Variants in HBP1 observed in about 807,000 individuals in gnomAD.
The protein encoded by HBP1 is HMG-box transcription factor 1.
In HBP1, 20 loss-of-function variants were observed where a neutral mutation model predicts 62.6. The observed-to-expected ratio is 0.32, with a 90% CI of 0.22 to 0.46. HBP1 has a LOEUF of 0.46. HBP1 is among the 20% of genes least tolerant of loss of function. The pLI is 1.00. For synonymous variants in HBP1, 232 were observed against 206.2 expected, an observed-to-expected ratio of 1.12 and a Z score of -1.07; for missense variants, 480 against 611.8, an observed-to-expected ratio of 0.78 and a Z score of 2.27.
chr7:107,178,264 C>G (rs1195163131), intron 1 of HBP1, among the ~76,000 whole-genome samples: 1 of 152,164 alleles, frequency 6.6e-6, no homozygotes, highest in African/African-American at 2.4e-5. Context: ...CCCCTTCAGT[C>G]TACCCTAAGT....
chr7:107,187,211 CCACTGCACTCTAGCCTGGCAACA>C (rs1301019716), intron 6 of HBP1, among the ~76,000 whole-genome samples: 6 of 151,950 alleles, frequency 3.9e-5, no homozygotes, highest in Non-Finnish European at 5.9e-5. Flanking sequence ...CAAGATTGCG[CCACTGCACTCTAGCCTGGCAACA>C]CAGTGAGACT....
Position 107,189,393 on chromosome 7 carries a change from T to C in HBP1, c.867T>C (p.Asp289=), listed in dbSNP as rs748936389. 3.1e-6 allele frequency: 5 copies of C among 1,612,768 alleles called. No individual in the cohort carries two copies. Among genetic ancestry groups the C allele is most frequent in the East Asian group, 2.2e-5 (1 of 44,824 alleles). The change falls in exon 7 of 11, where the codon GAT becomes GAC. Residue 289 remains aspartate, a synonymous_variant. Coordinates refer to ENST00000222574, the MANE Select transcript of HBP1 (RefSeq NM_012257.4). ...CTTTTGATCCTGGTACAGTAGAAGA[T>C]GGTTTACTTACCGTAGAGTGTAAGC... The part of the protein sequence containing the change: ...KLTFDPGTVE[D]GLLTVECKLD...
chr7:107,182,525 G>A lies in HBP1; in HGVS notation c.322G>A (p.Val108Met). 6.2e-7 allele frequency: 1 copy of A among 1,613,752 alleles called. No homozygotes were observed. Among genetic ancestry groups the A allele is most frequent in the Non-Finnish European group, 8.5e-7 (1 of 1,179,706 alleles). Residue 108 changes from valine to methionine, a missense_variant, in exon 3 of 11, where the codon GTG becomes ATG. By Grantham distance (21) the Val-to-Met change is conservative. This residue lies in a region of HBP1 where 304 missense variants were observed against 330.9 expected (regional missense o/e 0.92). Coordinates refer to ENST00000222574, the MANE Select transcript of HBP1 (RefSeq NM_012257.4). ...AGAAACTACTTACCGTGAAAATGAG[G>A]TGGACTGGCTAACAGAATTGGCAAA... ...IPETTYRENE[V>M]DWLTELANIA...
At chr7:107,169,437 G>A (rs1470306747) in intron 1 of HBP1, among the ~76,000 whole-genome samples, 2 of 149,328 alleles carry the variant, frequency 1.3e-5, no homozygotes, top group African/African-American at 2.5e-5. Context: ...GAGGCAGGGG[G>A]AGGGCGAAGT....
At chr7:107,170,296 G>C (rs1796491146) in intron 1 of HBP1, among the ~76,000 whole-genome samples, 1 of 152,164 alleles carries the variant, frequency 6.6e-6, no homozygotes, top group African/African-American at 2.4e-5. Context: ...CTGAATAGCC[G>C]TAAGCACTCC....
Position 107,200,228 on chromosome 7 carries a change from T to C in HBP1, c.1454T>C (p.Leu485Ser). 6.2e-7 allele frequency: 1 copy of C among 1,612,490 alleles called. No individual in the cohort carries two copies. The highest frequency in any genetic ancestry group is 8.5e-7 in the Non-Finnish European group (1 of 1,178,706). Reference sequence around the variant, plus strand: ...AATGAAGAGAGAAGAATGTACACATTAGAAGCAAAGGCTTTGGCTGAAGAA... The same window carrying C: ...AATGAAGAGAGAAGAATGTACACATCAGAAGCAAAGGCTTTGGCTGAAGAA... The part of the protein sequence containing the change: ...MKNEERRMYT[L>S]EAKALAEEQK... The change falls in exon 10 of 11, where the codon TTA becomes TCA. Residue 485 changes from leucine to serine, a missense_variant. Leu to Ser is a moderately radical substitution (Grantham distance 145). Coordinates refer to ENST00000222574, the MANE Select transcript of HBP1 (RefSeq NM_012257.4).
chr7:107,171,079 T>A (rs1444621334), intron 1 of HBP1, among the ~76,000 whole-genome samples: 33 of 118,028 alleles, frequency 2.8e-4, no homozygotes, highest in South Asian at 1.0e-3. Flanking sequence ...ATATATTTTT[T>A]TTTTTTTTTG....
At chr7:107,179,231 G>GA (rs11314732) in intron 1 of HBP1, among the ~76,000 whole-genome samples, 1 of 151,618 alleles carries the variant, frequency 6.6e-6, no homozygotes, top group East Asian at 1.9e-4. Flanking sequence ...AGGTACAAGT[G>GA]AAAAAAAGAG....
At chr7:107,181,503 C>T (rs1026373502) in intron 2 of HBP1, among the ~76,000 whole-genome samples, 1 of 151,060 alleles carries the variant, frequency 6.6e-6, no homozygotes, top group Non-Finnish European at 1.5e-5. Flanking sequence ...TAAGATAGGA[C>T]ATTTCGGTTT....
In HBP1 at chr7:107,196,198, A is replaced by G. The variant is rs540583170; in HGVS notation, c.1385+47A>G. ...ATTACAATAAATGAGTAACACTTCA[A>G]TACGGTTCATGGTAACTGGAATAGT... is the stretch of plus-strand genomic sequence containing the variant. On this transcript the variant is annotated intron_variant, in intron 9 of 10. Transcript: ENST00000222574. 6.4e-5 allele frequency: 66 copies of G among 1,024,072 alleles called. No homozygotes were observed. In the South Asian group the frequency reaches 6.7e-4, roughly 10 times the overall value. The allele number at this position is 1,024,072 out of a possible 1,614,324, so 63.4% of individuals were successfully genotyped here. A position where few individuals can be genotyped will look rare whatever the true frequency, so the allele number is the denominator to read the frequency against.
intron 1 of HBP1, chr7:107,169,978 A>C: frequency 1.0e-6 from 1 of 985,470 alleles, no homozygotes; most frequent in Non-Finnish European, 1.2e-6. Context: ...ACAAAACAAA[A>C]CAAACCAGGC....
chr7:107,171,807 A>G (rs1168074616), intron 1 of HBP1, among the ~76,000 whole-genome samples: 1 of 150,606 alleles, frequency 6.6e-6, no homozygotes, highest in Admixed American at 6.6e-5. Flanking sequence ...TTGCAGTGAG[A>G]CAAGATCAGG....
Position 107,195,815 on chromosome 7 carries a change from AT to A in HBP1, c.1068-11del, listed in dbSNP as rs766991403. The A allele has an allele frequency of 8.7e-5, 99 of 1,133,658 alleles. No individual in the cohort carries two copies. Among genetic ancestry groups the A allele is most frequent in the Non-Finnish European group, 9.9e-5 (83 of 834,384 alleles). The allele number at this position is 1,133,658 out of a possible 1,614,324, so 70.2% of individuals were successfully genotyped here. ...TTCAAAATTGAATTAAAATATTATTATTTTTTTTAATTTTATAGCTATGACT... is the reference window on the plus strand; with the variant it reads ...TTCAAAATTGAATTAAAATATTATTATTTTTTTAATTTTATAGCTATGACT... On this transcript the variant is annotated intron_variant, in intron 8 of 10. Coordinates refer to ENST00000222574, the MANE Select transcript of HBP1 (RefSeq NM_012257.4).
chr7:107,192,196 A>G (rs1372659852), intron 8 of HBP1, among the ~76,000 whole-genome samples: 1 of 151,866 alleles, frequency 6.6e-6, no homozygotes, highest in East Asian at 1.9e-4. Flanking sequence ...AAAGGAAAGC[A>G]GGCATTCAGA....
chr7:107,180,285 T>TA (rs1351116798), intron 2 of HBP1, among the ~76,000 whole-genome samples: 1 of 152,242 alleles, frequency 6.6e-6, no homozygotes, highest in African/African-American at 2.4e-5. Flanking sequence ...ATTGTTAAAT[T>TA]AAACTACTTT....
intron 10 of HBP1, 138 bp downstream of exon 10, chr7:107,200,439 A>T: frequency 1.9e-6 from 1 of 539,256 alleles, no homozygotes; most frequent in Non-Finnish European, 3.1e-6. Flanking sequence ...AAACCTAATA[A>T]TGTTATCACA....
chr7:107,175,534 A>G (rs1275680400), intron 1 of HBP1, among the ~76,000 whole-genome samples: 2 of 152,062 alleles, frequency 1.3e-5, no homozygotes, highest in East Asian at 1.9e-4. Flanking sequence ...CTCTGATCCT[A>G]GACTACCTTT....
chr7:107,182,073 G>A (rs2115858327), intron 2 of HBP1, among the ~76,000 whole-genome samples: 1 of 152,182 alleles, frequency 6.6e-6, no homozygotes, highest in African/African-American at 2.4e-5. Flanking sequence ...AAGTATGTGA[G>A]TAATAAGTCC....
At chr7:107,200,421 A>G (rs964374084) in intron 10 of HBP1, 120 bp downstream of exon 10, 11 of 671,194 alleles carry the variant, frequency 1.6e-5, no homozygotes, top group African/African-American at 1.5e-4. Flanking sequence ...TAGCATTTTT[A>G]TACTTCAAAA....
Sources: gnomAD v4.1 joint callset for allele counts (sites outside exome capture counted in the v4.1 genomes callset) on GRCh38, gnomAD v4.1.1 for gene constraint, gnomAD v4.1.1 regional missense constraint, MANE v1.5 for transcripts, NCBI Gene and HGNC (gene_info 2026-07-23, HGNC 2026-07-21) for gene names.